The following SEMA3A variants were observed in gnomAD, a reference collection of about 807,000 sequenced individuals.
SEMA3A encodes the protein semaphorin-3A.
In SEMA3A, 29 loss-of-function variants were observed where a neutral mutation model predicts 97.9. The observed-to-expected ratio is 0.30, with a 90% CI of 0.22 to 0.40. SEMA3A has a LOEUF of 0.40. Among genes scored for constraint, SEMA3A ranks in the 10% least tolerant of loss-of-function variants. SEMA3A has a pLI of 1.00. For missense variants in SEMA3A, 763 were observed against 951.3 expected (o/e 0.80, Z 2.60); for synonymous variants, 321 against 323.7 (o/e 0.99, Z 0.09).
intron 15 of SEMA3A, 67 bp from the exon 16 acceptor site, chr7:83,963,414 T>C (rs1788554427): frequency 6.6e-7 from 1 of 1,521,956 alleles, no homozygotes; most frequent in Non-Finnish European, 8.9e-7. Flanking sequence ...CCAAAGTTTT[T>C]ATTTGGAAAT....
chr7:84,394,483 A>G (rs150259819), intron 1 of SEMA3A, among the ~76,000 whole-genome samples: 104 of 152,240 alleles, frequency 6.8e-4, no homozygotes, highest in Non-Finnish European at 1.3e-3. Flanking sequence ...TGTGATTTGT[A>G]AAGTACAATT....
intron 4 of SEMA3A, among the ~76,000 whole-genome samples, chr7:84,088,390 G>A (rs1794451039): frequency 6.6e-6 from 1 of 151,812 alleles, no homozygotes. Context: ...AGAGGCAGAG[G>A]TTGCAGTGAG....
At chr7:84,345,611 T>C (rs982141963) in intron 2 of SEMA3A, among the ~76,000 whole-genome samples, 2 of 152,194 alleles carry the variant, frequency 1.3e-5, no homozygotes, top group African/African-American at 4.8e-5. Flanking sequence ...CAGGAGTAGA[T>C]TTATACTCAA....
At chr7:84,413,322 A>G (rs896018674) in intron 1 of SEMA3A, among the ~76,000 whole-genome samples, 1 of 152,150 alleles carries the variant, frequency 6.6e-6, no homozygotes, top group African/African-American at 2.4e-5. Flanking sequence ...TTAAAATAAG[A>G]AGTAGAATAT....
At chr7:83,971,487 A>G (rs1460465896) in intron 15 of SEMA3A, among the ~76,000 whole-genome samples, 1 of 152,052 alleles carries the variant, frequency 6.6e-6, no homozygotes, top group African/African-American at 2.4e-5. Flanking sequence ...TGTAGTGCAA[A>G]TAAAAGTCTA....
intron 5 of SEMA3A, among the ~76,000 whole-genome samples, chr7:84,056,957 C>T (rs1793008255): frequency 6.6e-6 from 1 of 152,112 alleles, no homozygotes; most frequent in Non-Finnish European, 1.5e-5. Flanking sequence ...TTATTTCTCA[C>T]AACACACTAG....
At chr7:84,255,751 G>A (rs561955745) in intron 3 of SEMA3A, among the ~76,000 whole-genome samples, 6 of 151,588 alleles carry the variant, frequency 4.0e-5, no homozygotes. Context: ...AGATTAGTAG[G>A]CATACCAAAA....
intron 1 of SEMA3A, among the ~76,000 whole-genome samples, chr7:84,421,867 T>C (rs1228962): frequency 0.46 from 69,537 of 151,756 alleles, 17,565 homozygotes; most frequent in East Asian, 0.78. Flanking sequence ...GGGATGAAGC[T>C]GACTTGATTG....
intron 3 of SEMA3A, among the ~76,000 whole-genome samples, chr7:84,268,574 C>A (rs1179321503): frequency 6.6e-6 from 1 of 151,934 alleles, no homozygotes; most frequent in Non-Finnish European, 1.5e-5. Context: ...GGGTTGGCTT[C>A]GTGTAACTTC....
chr7:84,099,382 TAA>T (rs1562781404), intron 4 of SEMA3A, among the ~76,000 whole-genome samples: 2 of 152,006 alleles, frequency 1.3e-5, no homozygotes, highest in African/African-American at 4.8e-5. Context: ...GAATTTTTTT[TAA>T]AAGAAAAGTG....
intron 1 of SEMA3A, among the ~76,000 whole-genome samples, chr7:84,404,418 T>C (rs1000587971): frequency 7.2e-5 from 11 of 152,304 alleles, no homozygotes; most frequent in Non-Finnish European, 7.3e-5. Context: ...CTACGTCTAA[T>C]TGGTGTACCT....
intron 2 of SEMA3A, among the ~76,000 whole-genome samples, chr7:84,334,541 C>T (rs1454711154): frequency 6.6e-6 from 1 of 151,774 alleles, no homozygotes; most frequent in South Asian, 2.1e-4. Flanking sequence ...CTTCCTCCAC[C>T]TGTTCCCTCA....
intron 3 of SEMA3A, among the ~76,000 whole-genome samples, chr7:84,221,497 C>CAA (rs1798880095): frequency 1.3e-5 from 2 of 152,052 alleles, no homozygotes; most frequent in African/African-American, 4.8e-5. Context: ...TGTCACTAAG[C>CAA]AAAATCATTT....
At chr7:84,125,740 G>T (rs957397633) in intron 3 of SEMA3A, among the ~76,000 whole-genome samples, 1 of 152,138 alleles carries the variant, frequency 6.6e-6, no homozygotes, top group Admixed American at 6.6e-5. Flanking sequence ...AGAGGAGAAA[G>T]TTCCCATAAA....
chr7:84,158,789 G>A (rs1391133849), intron 1 of SEMA3A, among the ~76,000 whole-genome samples: 1 of 152,110 alleles, frequency 6.6e-6, no homozygotes, highest in East Asian at 1.9e-4. Context: ...ATTGACACTT[G>A]CAAATTGTTG....
chr7:84,069,316 A>T (rs1793657196), intron 4 of SEMA3A, among the ~76,000 whole-genome samples: 2 of 152,152 alleles, frequency 1.3e-5, no homozygotes, highest in South Asian at 2.1e-4. Context: ...TAAGCAGATA[A>T]GAAAATCTCA....
intron 3 of SEMA3A, among the ~76,000 whole-genome samples, chr7:84,215,016 C>A (rs566112283): frequency 1.3e-5 from 2 of 150,830 alleles, no homozygotes; most frequent in Non-Finnish European, 3.0e-5. Context: ...GGATTCCAGG[C>A]GCATGACACC....
intron 1 of SEMA3A, among the ~76,000 whole-genome samples, chr7:84,384,907 T>C (rs544146535): frequency 3.3e-5 from 5 of 152,182 alleles, no homozygotes; most frequent in African/African-American, 1.2e-4. Flanking sequence ...TCTTAACTAC[T>C]ATCTACATGA....
Position 83,963,238 on chromosome 7 carries a change from T to C in SEMA3A, c.1827A>G (p.Gln609=). The C allele has an allele frequency of 6.2e-7, 1 of 1,613,630 alleles. No homozygotes were observed. Among genetic ancestry groups the C allele is most frequent in the African/African-American group, 1.3e-5 (1 of 75,052 alleles). ...PKSQRALVYW[Q]FQRRNEERKE... is the part of the protein sequence containing the mutation. ...TTCGCTCTTCATTTCGCCTCTGGAA[T>C]TGCCAATAGACCAGCGCTCTCTGCG... is the stretch of plus-strand genomic sequence containing the variant. The change falls in exon 16 of 17, where the codon CAA becomes CAG. Residue 609 remains glutamine, a synonymous_variant. Transcript: ENST00000265362.
Sources: gnomAD v4.1 joint callset for allele counts (sites outside exome capture counted in the v4.1 genomes callset) on GRCh38, gnomAD v4.1.1 for gene constraint, MANE v1.5 for transcripts, NCBI Gene and HGNC (gene_info 2026-07-23, HGNC 2026-07-21) for gene names.